SFI1: variants seen among roughly 807,000 people sequenced by gnomAD.
SFI1 encodes the protein SFI1 centrin binding protein.
SFI1 carries 195 observed loss-of-function variants against 207.5 expected under a neutral mutation model. The observed-to-expected ratio is 0.94, with a 90% confidence interval of 0.84 to 1.06. The LOEUF (loss-of-function observed/expected upper bound fraction) is 1.06. SFI1 is among the 50% of genes least tolerant of loss of function. The pLI, the probability that SFI1 is intolerant of heterozygous loss-of-function variation, is 0.00. For synonymous variants in SFI1, 630 were observed against 598.9 expected (o/e 1.05, Z -0.76); for missense variants, 1,634 against 1,588.0 (o/e 1.03, Z -0.49).
At chr22:31,529,077 A>G in intron 3 of SFI1, 1 of 476,144 alleles carries the variant, frequency 2.1e-6, no homozygotes, top group South Asian at 4.9e-5. Flanking sequence ...CTTGTGCCTC[A>G]CAATATGACG....
intron 31 of SFI1, among the ~76,000 whole-genome samples, chr22:31,617,379 G>A (rs7293143): frequency 0.066 from 10,015 of 152,030 alleles, 329 homozygotes; most frequent in African/African-American, 0.09. Flanking sequence ...CTAAAAACCC[G>A]ATGAGGCCAT....
chr22:31,613,910 T>C, intron 27 of SFI1, 55 bp downstream of exon 27: 6 of 1,527,902 alleles, frequency 3.9e-6, no homozygotes, highest in Non-Finnish European at 5.3e-6. Flanking sequence ...AAAGGTTGGA[T>C]GGCATAGCAG....
chr22:31,513,190 G>C (rs948862309), intron 2 of SFI1, among the ~76,000 whole-genome samples: 1 of 151,682 alleles, frequency 6.6e-6, no homozygotes, highest in Non-Finnish European at 1.5e-5. Context: ...ACAGGGTCTC[G>C]CTTTGTTGCC....
intron 4 of SFI1, 108 bp downstream of exon 4, chr22:31,531,237 C>G (rs2058491954): frequency 1.2e-6 from 1 of 851,586 alleles, no homozygotes; most frequent in Non-Finnish European, 1.9e-6. Flanking sequence ...TACATTCCTC[C>G]CCAGCCTCCA....
chr22:31,517,477 G>A (rs931369543), intron 2 of SFI1, among the ~76,000 whole-genome samples: 11 of 151,652 alleles, frequency 7.3e-5, no homozygotes, highest in African/African-American at 2.7e-4. Flanking sequence ...CAAACTCTTC[G>A]GCTCAAGCAA....
At chr22:31,616,544 C>T (rs1318935718) in intron 29 of SFI1, 8 of 493,206 alleles carry the variant, frequency 1.6e-5, no homozygotes, top group African/African-American at 8.0e-5. Flanking sequence ...CGGGACTTTC[C>T]CCTACAGTAC....
chr22:31,516,480 T>C (rs181795389), intron 2 of SFI1, among the ~76,000 whole-genome samples: 2 of 151,160 alleles, frequency 1.3e-5, no homozygotes, highest in Admixed American at 6.6e-5. Context: ...ACCCCTGCAC[T>C]CCAGCCTGGG....
intron 12 of SFI1, among the ~76,000 whole-genome samples, chr22:31,582,232 A>ATC (rs2064375566): frequency 3.8e-5 from 1 of 26,000 alleles, no homozygotes; most frequent in African/African-American, 1.6e-4. Context: ...ATATATATAT[A>ATC]TATATTTTTT....
intron 15 of SFI1, among the ~76,000 whole-genome samples, chr22:31,591,483 C>G (rs1287748720): frequency 6.6e-6 from 1 of 151,932 alleles, no homozygotes; most frequent in South Asian, 2.1e-4. Flanking sequence ...AGCTATTGGG[C>G]ACACCTCCCA....
At position 31,614,544 on chromosome 22, in the gene SFI1, G is replaced by A. The variant is rs993613142; in HGVS notation, c.2997-245G>A. The A allele has an allele frequency of 2.9e-5, 20 of 681,182 alleles. 1 individual carries two copies. The highest frequency in any genetic ancestry group is 6.1e-5 in the Admixed American group (3 of 49,296). The allele number at this position is 681,182 out of a possible 1,614,324, so 42.2% of individuals were successfully genotyped here. On this transcript the variant is annotated intron_variant, in intron 27 of 32. Transcript: ENST00000400288. ...GGACCCTGGCGACCTGTACACCAGCGTCACCAGGGTTGTTCTGCAGGTCAA... is the reference window on the plus strand; with the variant it reads ...GGACCCTGGCGACCTGTACACCAGCATCACCAGGGTTGTTCTGCAGGTCAA...
At chr22:31,616,099 A>AG (rs2071387790) in intron 29 of SFI1, 1 of 151,770 alleles carries the variant, frequency 6.6e-6, no homozygotes, top group African/African-American at 2.4e-5. Flanking sequence ...GGCTCCAAGC[A>AG]GGGAGCCTGG....
At chr22:31,618,067 T>TCGG in intron 31 of SFI1, 48 bp from the exon 32 acceptor site, 1 of 1,531,454 alleles carries the variant, frequency 6.5e-7, no homozygotes, top group Non-Finnish European at 8.8e-7. Flanking sequence ...CGGATGGGGC[T>TCGG]CTGCCAAGGA....
chr22:31,506,049 CTTT>C (rs1164240180), intron 1 of SFI1, among the ~76,000 whole-genome samples: 1 of 138,318 alleles, frequency 7.2e-6, no homozygotes. Context: ...GAAATCCTGT[CTTT>C]TTTTTTTTTT....
intron 31 of SFI1, among the ~76,000 whole-genome samples, chr22:31,617,340 T>TGG (rs58440033): frequency 1.9e-3 from 283 of 151,802 alleles, no homozygotes; most frequent in Non-Finnish European, 2.8e-3. Context: ...CTGCTTCCTA[T>TGG]GGGGGGGACG....
intron 2 of SFI1, among the ~76,000 whole-genome samples, chr22:31,523,639 G>A (rs536769274): frequency 6.6e-6 from 1 of 151,912 alleles, no homozygotes; most frequent in East Asian, 1.9e-4. Context: ...GGATACTGAG[G>A]GTAGGAAAAA....
chr22:31,506,248 A>G (rs2054617756), intron 1 of SFI1, among the ~76,000 whole-genome samples: 1 of 151,474 alleles, frequency 6.6e-6, no homozygotes, highest in African/African-American at 2.4e-5. Flanking sequence ...GAGTTTTCCC[A>G]TGTTGGGCAG....
intron 2 of SFI1, among the ~76,000 whole-genome samples, chr22:31,512,913 T>C (rs1374173413): frequency 6.6e-6 from 1 of 151,912 alleles, no homozygotes. Flanking sequence ...GTCTTGATCT[T>C]CTGACCTTGT....
At chr22:31,593,190 C>T (rs567297085) in intron 15 of SFI1, among the ~76,000 whole-genome samples, 26 of 151,528 alleles carry the variant, frequency 1.7e-4, no homozygotes, top group African/African-American at 6.1e-4. Context: ...ACGCTCCTCA[C>T]CTCCCAGATG....
chr22:31,506,893 A>C (rs545787356), intron 1 of SFI1, among the ~76,000 whole-genome samples: 1 of 152,168 alleles, frequency 6.6e-6, no homozygotes, highest in Non-Finnish European at 1.5e-5. Flanking sequence ...TTCCATGCTC[A>C]TGTATAGGAA....
Sources: gnomAD v4.1 joint callset for allele counts (sites outside exome capture counted in the v4.1 genomes callset) on GRCh38, gnomAD v4.1.1 for gene constraint, MANE v1.5 for transcripts, NCBI Gene and HGNC (gene_info 2026-07-23, HGNC 2026-07-21) for gene names.